The following CDC42BPB variants were observed in gnomAD, a reference collection of about 807,000 sequenced individuals.
CDC42BPB encodes the protein CDC42 binding protein kinase beta.
A neutral mutation model predicts 214.9 loss-of-function variants in CDC42BPB; 37 were observed. The observed-to-expected ratio is 0.17, with a 90% CI of 0.13 to 0.23. The LOEUF (loss-of-function observed/expected upper bound fraction) is 0.23, where lower values mean the gene tolerates loss of function less well. Among genes scored for constraint, CDC42BPB ranks in the 10% least tolerant of loss-of-function variants. The pLI, the probability that CDC42BPB is intolerant of heterozygous loss-of-function variation, is 1.00. For missense variants in CDC42BPB, 1,694 were observed against 2,227.0 expected (o/e 0.76, Z 4.82); for synonymous variants, 931 against 884.0 (o/e 1.05, Z -0.94).
rs772161800 is a variant in CDC42BPB at position 102,967,178 on chromosome 14, G to C, written c.2347-8C>G. On this transcript the variant is annotated splice_region_variant and splice_polypyrimidine_tract_variant and intron_variant, in intron 16 of 36. Transcript: ENST00000361246. ...ATCCACAAAGGAACAGAGCTGAAAT[G>C]AAACAATTTCACCACAGAACTTGTT... The C allele has an allele frequency of 1.2e-6, 2 of 1,608,054 alleles. No homozygotes were observed. The highest frequency in any genetic ancestry group is 2.2e-5 in the South Asian group (2 of 90,814).
chr14:102,949,724 GA>G, intron 26 of CDC42BPB, 40 bp downstream of exon 26: 1 of 1,610,434 alleles, frequency 6.2e-7, no homozygotes, highest in Non-Finnish European at 8.5e-7. Context: ...GATAGCTGAG[GA>G]AGATTCACAG....
chr14:102,950,771 G>A (rs2139393626), intron 24 of CDC42BPB, 169 bp from the exon 25 acceptor site: 1 of 753,316 alleles, frequency 1.3e-6, no homozygotes, highest in East Asian at 1.3e-4. Context: ...TTTGAGACCA[G>A]CCTGGCCAAC....
At position 103,001,697 on chromosome 14, in the gene CDC42BPB, C is replaced by T. The variant is rs950669374; in HGVS notation, c.448-1984G>A. Among the ~76,000 whole-genome samples, 7 of 152,150 alleles carry T rather than the reference C, an allele frequency of 4.6e-5. No individual in the cohort carries two copies. Among genetic ancestry groups the T allele is most frequent in the Non-Finnish European group, 8.8e-5 (6 of 68,018 alleles). ...CACACTGCAGGCATTCCAGAGGGAG[C>T]GGCCCCGGCAGCTGACGGACACACA... is the stretch of plus-strand genomic sequence containing the variant. On this transcript the variant is annotated intron_variant, in intron 4 of 36. Coordinates refer to ENST00000361246, the MANE Select transcript of CDC42BPB (RefSeq NM_006035.4). The surrounding 1 kb of genome is among the most constrained non-coding windows in gnomAD (Gnocchi z 5.8).
intron 1 of CDC42BPB, among the ~76,000 whole-genome samples, chr14:103,029,657 G>A (rs1197512286): frequency 6.6e-6 from 1 of 150,748 alleles, no homozygotes; most frequent in Non-Finnish European, 1.5e-5. Context: ...GAGATCGAGA[G>A]CATCCTGGCC....
At chr14:102,974,215 G>C in intron 11 of CDC42BPB, 66 bp from the exon 12 acceptor site, 1 of 1,565,550 alleles carries the variant, frequency 6.4e-7, no homozygotes, top group South Asian at 1.2e-5. Flanking sequence ...CTTTATGTTA[G>C]CTGACTTACT....
chr14:103,042,835 G>A (rs939805753), intron 1 of CDC42BPB, among the ~76,000 whole-genome samples: 3 of 152,144 alleles, frequency 2.0e-5, no homozygotes, highest in African/African-American at 7.2e-5. Context: ...CTGCTGGTGG[G>A]AATGTAGACC....
Position 103,001,035 on chromosome 14 carries a change from C to T in CDC42BPB, c.448-1322G>A, listed in dbSNP as rs568768280. 3.9e-5 allele frequency among the ~76,000 whole-genome samples: 6 copies of T among 152,288 alleles called. No individual in the cohort carries two copies. The highest frequency in any genetic ancestry group is 5.9e-5 in the Non-Finnish European group (4 of 68,008). ...GAGCGGCCCAGCTAATCAGAGGAAA[C>T]GACAGAAGCCTTCATTTTAGGTCCC... On this transcript the variant is annotated intron_variant, in intron 4 of 36. Coordinates refer to ENST00000361246, the MANE Select transcript of CDC42BPB (RefSeq NM_006035.4). The surrounding 1 kb of genome is among the most constrained non-coding windows in gnomAD (Gnocchi z 5.8).
At chr14:103,026,512 A>G (rs1887063320) in intron 1 of CDC42BPB, among the ~76,000 whole-genome samples, 1 of 152,136 alleles carries the variant, frequency 6.6e-6, no homozygotes, top group Non-Finnish European at 1.5e-5. Flanking sequence ...AATAAAAATC[A>G]TTCTGTTTTT....
intron 21 of CDC42BPB, chr14:102,954,939 G>A (rs949312829): frequency 6.6e-6 from 2 of 302,186 alleles, no homozygotes; most frequent in Non-Finnish European, 4.9e-6. Context: ...GGCAGGTGGA[G>A]TCTGACAAGT....
chr14:102,960,823 G>A (rs191273180), intron 20 of CDC42BPB, among the ~76,000 whole-genome samples: 51 of 152,160 alleles, frequency 3.4e-4, no homozygotes, highest in African/African-American at 6.0e-4. Flanking sequence ...TACACTCCTC[G>A]AACCGTATGT....
At chr14:103,027,091 CAA>C (rs1887096758) in intron 1 of CDC42BPB, among the ~76,000 whole-genome samples, 1 of 152,148 alleles carries the variant, frequency 6.6e-6, no homozygotes, top group Non-Finnish European at 1.5e-5. Context: ...AAAAGATGCT[CAA>C]AGTCATTCGC....
At chr14:102,950,008 A>C in intron 25 of CDC42BPB, 104 bp from the exon 26 acceptor site, 2 of 1,551,232 alleles carry the variant, frequency 1.3e-6, no homozygotes, top group Admixed American at 1.8e-5. Context: ...GGCTGGCGGC[A>C]GAGCTGTTTG....
intron 1 of CDC42BPB, among the ~76,000 whole-genome samples, chr14:103,022,045 C>T (rs1886803849): frequency 6.6e-6 from 1 of 152,052 alleles, no homozygotes; most frequent in African/African-American, 2.4e-5. Context: ...GCCCAAGGTG[C>T]CCAGTGTACA....
Position 102,943,674 on chromosome 14 carries a change from T to C in CDC42BPB, c.4408+217A>G, listed in dbSNP as rs1892005813. ...CTCTGGAAGAACCGGCCCCATGTGC[T>C]CAGGGAGAGAGGTTGCTGAGCCCGC... On this transcript the variant is annotated intron_variant, in intron 30 of 36. Transcript: ENST00000361246. This position sits in a 1 kb window ranked among gnomAD's most constrained non-coding sequence, Gnocchi z 4.6. 1.8e-6 allele frequency: 1 copy of C among 557,254 alleles called. No homozygotes were observed. The highest frequency in any genetic ancestry group is 3.1e-6 in the Non-Finnish European group (1 of 318,192). The allele number at this position is 557,254 out of a possible 1,614,324, so 34.5% of individuals were successfully genotyped here.
At chr14:102,977,176 T>C (rs773971376) in intron 9 of CDC42BPB, among the ~76,000 whole-genome samples, 5 of 151,436 alleles carry the variant, frequency 3.3e-5, no homozygotes, top group Non-Finnish European at 7.4e-5. Context: ...CTCTCTCTAC[T>C]AAAATAAAAA....
At chr14:103,028,244 GATTC>G (rs1300338598) in intron 1 of CDC42BPB, among the ~76,000 whole-genome samples, 1 of 152,222 alleles carries the variant, frequency 6.6e-6, no homozygotes, top group Non-Finnish European at 1.5e-5. Context: ...TTGGGTGCAC[GATTC>G]ATTAATTTAT....
At chr14:103,015,698 G>A (rs1427925903) in intron 1 of CDC42BPB, among the ~76,000 whole-genome samples, 1 of 152,078 alleles carries the variant, frequency 6.6e-6, no homozygotes, top group Admixed American at 6.6e-5. Flanking sequence ...ATTAGGATCA[G>A]GAAATTAAAG....
Position 102,964,495 on chromosome 14 carries a change from C to G in CDC42BPB, c.2726+7G>C, listed in dbSNP as rs895644278. On this transcript the variant is annotated splice_region_variant and intron_variant, in intron 19 of 36. Coordinates refer to ENST00000361246, the MANE Select transcript of CDC42BPB (RefSeq NM_006035.4). ...CCTACCTGGAGTCAGACCCTGGCAC[C>G]AAGTACCTTTCCAAGGTGAGGTTGG... 1 of 1,613,148 alleles carries G rather than the reference C, an allele frequency of 6.2e-7. No homozygotes were observed. Among genetic ancestry groups the G allele is most frequent in the Admixed American group, 1.7e-5 (1 of 59,968 alleles).
At chr14:102,945,478 T>C (rs1892115769) in intron 29 of CDC42BPB, 184 bp downstream of exon 29, 3 of 596,608 alleles carry the variant, frequency 5.0e-6, no homozygotes, top group Non-Finnish European at 9.1e-6. Context: ...ACTCGATGGA[T>C]GTGATACGCA....
Sources: gnomAD v4.1 joint callset for allele counts (sites outside exome capture counted in the v4.1 genomes callset) on GRCh38, gnomAD v4.1.1 for gene constraint, Gnocchi (gnomAD v3.1) non-coding constraint, MANE v1.5 for transcripts, NCBI Gene and HGNC (gene_info 2026-07-23, HGNC 2026-07-21) for gene names.